Variants in MARCHF10 observed in about 807,000 individuals in gnomAD.
The protein encoded by MARCHF10 is membrane associated ring-CH-type finger 10.
Under a neutral mutation model 76.2 loss-of-function variants are expected in MARCHF10, and 64 were observed. That is an observed-to-expected ratio of 0.84 (90% confidence interval 0.69 to 1.03). The LOEUF is 1.03. Ranked by LOEUF, MARCHF10 falls within the 50% of genes least tolerant of loss-of-function variation. The pLI, the probability that MARCHF10 is intolerant of heterozygous loss-of-function variation, is 0.00. For missense variants in MARCHF10, 875 were observed against 958.0 expected (o/e 0.91, Z 1.14); for synonymous variants, 340 against 357.5 (o/e 0.95, Z 0.55).
chr17:62,788,325 C>T (rs564940494), intron 3 of MARCHF10, among the ~76,000 whole-genome samples, 155 bp downstream of exon 3: 2 of 152,284 alleles, frequency 1.3e-5, no homozygotes, highest in East Asian at 3.9e-4. Context: ...CAGCCCTAGG[C>T]TCCTTCCTGC....
At chr17:62,716,532 G>A (rs1411713893) in intron 8 of MARCHF10, among the ~76,000 whole-genome samples, 4 of 152,034 alleles carry the variant, frequency 2.6e-5, no homozygotes. Flanking sequence ...ACCCAGGAGG[G>A]ACCCTGGCCC....
chr17:62,775,733 A>C (rs1216435068), intron 3 of MARCHF10, among the ~76,000 whole-genome samples: 3 of 152,200 alleles, frequency 2.0e-5, no homozygotes, highest in Non-Finnish European at 4.4e-5. Context: ...AAATATGTGG[A>C]ATGCAGGTAT....
At chr17:62,753,240 G>A (rs1167431665) in intron 4 of MARCHF10, among the ~76,000 whole-genome samples, 2 of 152,062 alleles carry the variant, frequency 1.3e-5, no homozygotes, top group African/African-American at 4.8e-5. Context: ...CCGAGTAGAT[G>A]AGATTACAGG....
intron 9 of MARCHF10, among the ~76,000 whole-genome samples, chr17:62,708,186 G>A (rs1012431172): frequency 4.6e-5 from 7 of 151,388 alleles, no homozygotes; most frequent in Non-Finnish European, 1.0e-4. Flanking sequence ...TGCAAATTTT[G>A]TACTATCACT....
chr17:62,701,633 G>A lies in MARCHF10; in HGVS notation c.*70C>T, dbSNP rs369755992. 8.3e-5 allele frequency: 133 copies of A among 1,611,760 alleles called. No homozygotes were observed. In the African/African-American group the frequency reaches 1.6e-3, roughly 19 times the overall value. On this transcript the variant is annotated 3_prime_UTR_variant, in exon 11 of 11. Coordinates refer to ENST00000311269, the MANE Select transcript of MARCHF10 (RefSeq NM_152598.4). ...TTCAGTAAAGAGGAGGAGGGAGGGA[G>A]GCACTTGGGGACGTAGAAAGAAGGG...
At chr17:62,735,813 TA>T in intron 6 of MARCHF10, 117 bp downstream of exon 6, 1 of 882,232 alleles carries the variant, frequency 1.1e-6, no homozygotes. Context: ...AAGCAACCAC[TA>T]AAATGTCAAG....
chr17:62,806,724 C>T (rs1568239920), intron 1 of MARCHF10: 1 of 152,216 alleles, frequency 6.6e-6, no homozygotes. Flanking sequence ...ACGTTCTTCT[C>T]TAGTGTAATT....
intron 10 of MARCHF10, among the ~76,000 whole-genome samples, chr17:62,704,198 G>A (rs2089431123): frequency 6.6e-6 from 1 of 151,522 alleles, no homozygotes; most frequent in African/African-American, 2.4e-5. Context: ...GGACGCGCGG[G>A]GCGGGCGGCG....
intron 8 of MARCHF10, among the ~76,000 whole-genome samples, chr17:62,718,564 C>T (rs763444076): frequency 2.6e-5 from 4 of 152,190 alleles, no homozygotes; most frequent in Admixed American, 6.5e-5. Context: ...CACGTGGACA[C>T]GTCCTCCTTA....
intron 3 of MARCHF10, among the ~76,000 whole-genome samples, chr17:62,787,748 G>GGATAGATAGATA (rs539550748): frequency 3.6e-4 from 55 of 151,610 alleles, no homozygotes; most frequent in African/African-American, 7.3e-4. Flanking sequence ...AAAGATGGAT[G>GGATAGATAGATA]GATAGATAGA....
rs768630031 is a variant in MARCHF10 at position 62,744,535 on chromosome 17, G to C, written c.383-7C>G. On this transcript the variant is annotated splice_polypyrimidine_tract_variant and splice_region_variant and intron_variant, in intron 4 of 10. Transcript: ENST00000311269. ...ACCATTGGTGCTTGGTCTGCTGAAA[G>C]ATGCAAAGTCTTTTCAATAATTATT... 7 of 1,611,954 alleles carry C rather than the reference G, an allele frequency of 4.3e-6. No individual in the cohort carries two copies. Among genetic ancestry groups the C allele is most frequent in the Non-Finnish European group, 5.9e-6 (7 of 1,179,596 alleles).
chr17:62,772,505 C>G (rs1415414171), intron 3 of MARCHF10, among the ~76,000 whole-genome samples: 1 of 152,072 alleles, frequency 6.6e-6, no homozygotes, highest in Non-Finnish European at 1.5e-5. Context: ...CTAGCATGGG[C>G]CTGTTGGGCT....
chr17:62,730,750 C>T (rs534144733), intron 6 of MARCHF10, among the ~76,000 whole-genome samples: 13 of 152,074 alleles, frequency 8.5e-5, no homozygotes, highest in African/African-American at 3.1e-4. Context: ...AAAAATTAGC[C>T]GTGCATGGTG....
At position 62,789,582 on chromosome 17, in the gene MARCHF10, C is replaced by T. The variant is rs118094331; in HGVS notation, c.91-983G>A. On this transcript the variant is annotated intron_variant, in intron 2 of 10. Transcript: ENST00000311269. ...TTTCTCCTGCTGATCATTGAGAACC[C>T]TGAGAGTAAGGACAACTTCTTATCT... Among the ~76,000 whole-genome samples, 15 of 152,212 alleles carry T rather than the reference C, an allele frequency of 9.9e-5. No homozygotes were observed. In the East Asian group the frequency reaches 2.7e-3, roughly 27 times the overall value.
intron 6 of MARCHF10, among the ~76,000 whole-genome samples, chr17:62,732,812 G>A (rs1208924204): frequency 1.3e-5 from 2 of 151,988 alleles, no homozygotes; most frequent in Non-Finnish European, 2.9e-5. Flanking sequence ...GGCCAACCCG[G>A]TGAAACCCCG....
Position 62,701,442 on chromosome 17 carries a change from G to C in MARCHF10, c.*261C>G. 1 of 734,350 alleles carries C rather than the reference G, an allele frequency of 1.4e-6. No homozygotes were observed. The highest frequency in any genetic ancestry group is 2.0e-5 in the South Asian group (1 of 50,228). The allele number at this position is 734,350 out of a possible 1,614,324, so 45.5% of individuals were successfully genotyped here. On this transcript the variant is annotated 3_prime_UTR_variant, in exon 11 of 11. Coordinates refer to ENST00000311269, the MANE Select transcript of MARCHF10 (RefSeq NM_152598.4). ...GACCTGGCAGGGCTTCTGGGCTAAGGGGGCAGCACCAGGCCAGCCTGCCAG... is the reference window on the plus strand; with the variant it reads ...GACCTGGCAGGGCTTCTGGGCTAAGCGGGCAGCACCAGGCCAGCCTGCCAG...
chr17:62,755,537 A>G, intron 4 of MARCHF10, among the ~76,000 whole-genome samples: 1 of 152,140 alleles, frequency 6.6e-6, no homozygotes, highest in Non-Finnish European at 1.5e-5. Flanking sequence ...TCAAGGGTAT[A>G]TATACAATTC....
At chr17:62,790,485 T>G (rs1488680248) in intron 2 of MARCHF10, among the ~76,000 whole-genome samples, 4 of 152,216 alleles carry the variant, frequency 2.6e-5, no homozygotes, top group Non-Finnish European at 5.9e-5. Flanking sequence ...CCAGTAAAAC[T>G]TTTTTGGAAT....
At chr17:62,746,390 G>A (rs2091702931) in intron 4 of MARCHF10, among the ~76,000 whole-genome samples, 1 of 152,098 alleles carries the variant, frequency 6.6e-6, no homozygotes, top group African/African-American at 2.4e-5. Flanking sequence ...GGATGGCGTA[G>A]GATGTTGATT....
Sources: gnomAD v4.1 joint callset for allele counts (sites outside exome capture counted in the v4.1 genomes callset) on GRCh38, gnomAD v4.1.1 for gene constraint, MANE v1.5 for transcripts, NCBI Gene and HGNC (gene_info 2026-07-23, HGNC 2026-07-21) for gene names.